Variants in RSPO2 observed in about 807,000 individuals in gnomAD.
RSPO2 encodes the protein R-spondin 2.
A neutral mutation model predicts 30.9 loss-of-function variants in RSPO2; 14 were observed. The ratio of observed to expected loss-of-function variants is 0.45; its 90% CI spans 0.30 to 0.71. RSPO2 has a LOEUF of 0.71. Among genes scored for constraint, RSPO2 ranks in the 30% least tolerant of loss-of-function variants. RSPO2 has a pLI of 0.08. For synonymous variants in RSPO2, 107 were observed against 96.4 expected, an observed-to-expected ratio of 1.11 and a Z score of -0.64; for missense variants, 264 against 301.9, an observed-to-expected ratio of 0.87 and a Z score of 0.93.
chr8:107,989,123 T>C lies in RSPO2; in HGVS notation c.216A>G (p.Gly72=). The part of the protein sequence containing the change: ...FLRREGMRQY[G]ECLHSCPSGY... The stretch of plus-strand genomic sequence containing the variant: ...CGGATGGGCAGGAATGCAGGCACTC[T>C]CCATACTGGCGCATCCCTTCTCTTC... Residue 72 remains glycine, a synonymous_variant, in exon 3 of 6, where the codon GGA becomes GGG. Transcript: ENST00000276659. 2 of 1,612,002 alleles carry C rather than the reference T, an allele frequency of 1.2e-6. No homozygotes were observed. The highest frequency in any genetic ancestry group is 1.7e-6 in the Non-Finnish European group (2 of 1,179,588).
intron 2 of RSPO2, among the ~76,000 whole-genome samples, chr8:108,009,445 A>C (rs1306471116): frequency 1.3e-5 from 2 of 152,244 alleles, no homozygotes; most frequent in East Asian, 3.8e-4. Flanking sequence ...TATGCACAGC[A>C]GTGTTAGTTA....
At chr8:107,906,829 T>A (rs1811663277) in intron 5 of RSPO2, among the ~76,000 whole-genome samples, 1 of 151,992 alleles carries the variant, frequency 6.6e-6, no homozygotes, top group African/African-American at 2.4e-5. Context: ...GATATTGTGA[T>A]GTATGTATAT....
chr8:107,902,767 T>G (rs1811518857), intron 5 of RSPO2, among the ~76,000 whole-genome samples: 1 of 152,064 alleles, frequency 6.6e-6, no homozygotes, highest in Admixed American at 6.6e-5. Flanking sequence ...CATCTTTTTA[T>G]CACAAGAAAA....
chr8:107,990,848 G>T (rs953044122), intron 2 of RSPO2, among the ~76,000 whole-genome samples: 3 of 152,096 alleles, frequency 2.0e-5, no homozygotes, highest in African/African-American at 7.2e-5. Flanking sequence ...ACTGATACAA[G>T]AACAGACAGG....
At chr8:107,985,390 A>C (rs1250740060) in intron 3 of RSPO2, among the ~76,000 whole-genome samples, 1 of 152,132 alleles carries the variant, frequency 6.6e-6, no homozygotes, top group Non-Finnish European at 1.5e-5. Flanking sequence ...ATAATCATGA[A>C]AAACTAAAAG....
At chr8:108,055,564 C>T (rs974272737) in intron 2 of RSPO2, among the ~76,000 whole-genome samples, 2 of 151,664 alleles carry the variant, frequency 1.3e-5, no homozygotes, top group Non-Finnish European at 2.9e-5. Flanking sequence ...AAATGGCAGC[C>T]GACTTAGAAG....
At chr8:108,035,155 G>A (rs1369683873) in intron 2 of RSPO2, among the ~76,000 whole-genome samples, 2 of 152,156 alleles carry the variant, frequency 1.3e-5, no homozygotes, top group Non-Finnish European at 2.9e-5. Flanking sequence ...TGAGTATCTA[G>A]AAGTAGCAAT....
chr8:108,026,130 TG>T (rs1409655677), intron 2 of RSPO2, among the ~76,000 whole-genome samples: 1 of 152,180 alleles, frequency 6.6e-6, no homozygotes, highest in Non-Finnish European at 1.5e-5. Context: ...GTTGTATCCC[TG>T]GCAAAAACAC....
chr8:107,989,451 C>G (rs770286903), intron 2 of RSPO2: 29 of 497,102 alleles, frequency 5.8e-5, no homozygotes, highest in Non-Finnish European at 8.0e-5. Flanking sequence ...AGAGGAAACT[C>G]AGAGGCAGAG....
chr8:107,978,671 T>C (rs1003818965), intron 3 of RSPO2, among the ~76,000 whole-genome samples: 6 of 152,022 alleles, frequency 3.9e-5, no homozygotes, highest in African/African-American at 1.5e-4. Flanking sequence ...AAAGCCAAAA[T>C]TGACAAATGG....
At chr8:108,066,315 T>C (rs1812666187) in intron 2 of RSPO2, among the ~76,000 whole-genome samples, 1 of 152,196 alleles carries the variant, frequency 6.6e-6, no homozygotes, top group Non-Finnish European at 1.5e-5. Flanking sequence ...GATTACACCA[T>C]ACTGAAGCTA....
intron 5 of RSPO2, among the ~76,000 whole-genome samples, chr8:107,948,660 C>G (rs958156054): frequency 3.3e-5 from 5 of 152,014 alleles, no homozygotes; most frequent in Non-Finnish European, 7.4e-5. Flanking sequence ...GAGATCAAGA[C>G]CATCCTGGCT....
At chr8:107,966,017 T>C (rs1436890435) in intron 3 of RSPO2, among the ~76,000 whole-genome samples, 3 of 152,012 alleles carry the variant, frequency 2.0e-5, no homozygotes. Context: ...CATGAGGCAA[T>C]AGAGAAAATC....
chr8:107,934,371 CTTTT>C (rs3039296), intron 5 of RSPO2, among the ~76,000 whole-genome samples: 11 of 141,802 alleles, frequency 7.8e-5, no homozygotes, highest in Admixed American at 1.4e-4. Context: ...TCTCATTTCC[CTTTT>C]TTTTTTTTTT....
rs1000019993 is a variant in RSPO2 at position 107,964,754 on chromosome 8, C to G, written c.284-3937G>C. Among the ~76,000 whole-genome samples, 8 of 152,286 alleles carry G rather than the reference C, an allele frequency of 5.3e-5. No individual in the cohort carries two copies. In the East Asian group the frequency reaches 1.5e-3, roughly 29 times the overall value. On this transcript the variant is annotated intron_variant, in intron 3 of 5. Transcript: ENST00000276659. The stretch of plus-strand genomic sequence containing the variant: ...CATAGTCCTATATTTTCTCCCCCAG[C>G]TTGTAGCCATTTTCCAAAAACTACT...
intron 2 of RSPO2, among the ~76,000 whole-genome samples, chr8:107,999,678 G>T (rs144979449): frequency 1.3e-5 from 2 of 151,910 alleles, no homozygotes; most frequent in African/African-American, 4.8e-5. Context: ...CAAGTGATCC[G>T]CCTGCCTCAG....
intron 2 of RSPO2, among the ~76,000 whole-genome samples, chr8:108,063,727 C>A (rs566581556): frequency 6.6e-6 from 1 of 152,064 alleles, no homozygotes; most frequent in South Asian, 2.1e-4. Context: ...CCAAGTCAAT[C>A]CTAAGCCAAA....
intron 3 of RSPO2, among the ~76,000 whole-genome samples, chr8:107,981,030 T>C (rs62535494): frequency 0.03 from 4,550 of 152,330 alleles, 124 homozygotes; most frequent in Non-Finnish European, 0.052. Context: ...ATCCCAAACA[T>C]ACTGGGGTTA....
At chr8:107,966,208 G>A (rs559274630) in intron 3 of RSPO2, among the ~76,000 whole-genome samples, 1 of 152,246 alleles carries the variant, frequency 6.6e-6, no homozygotes. Context: ...TCAAGATTAG[G>A]GGTTTGGTCT....
Sources: allele counts gnomAD v4.1 joint callset (sites outside exome capture counted in the v4.1 genomes callset), GRCh38; gene constraint gnomAD v4.1.1; transcripts MANE v1.5; gene names NCBI Gene and HGNC (gene_info 2026-07-23, HGNC 2026-07-21).